Variants in TLK2 observed in about 807,000 individuals in gnomAD.
TLK2 encodes tousled like kinase 2.
A neutral mutation model predicts 117.3 loss-of-function variants in TLK2; 6 were observed. The observed-to-expected ratio is 0.05, with a 90% CI of 0.03 to 0.10. The LOEUF is 0.10. TLK2 is among the 10% of genes least tolerant of loss of function. The pLI is 1.00. For missense variants in TLK2, 299 were observed against 901.2 expected, an observed-to-expected ratio of 0.33 and a Z score of 8.56; for synonymous variants, 257 against 316.7, an observed-to-expected ratio of 0.81 and a Z score of 2.00.
intron 2 of TLK2, among the ~76,000 whole-genome samples, chr17:62,501,480 C>G (rs1447860549): frequency 6.6e-6 from 1 of 152,068 alleles, no homozygotes; most frequent in Non-Finnish European, 1.5e-5. Context: ...CTCCTGTAAT[C>G]CCAGCACTGT....
chr17:62,587,707 C>G (rs551358806), intron 16 of TLK2, among the ~76,000 whole-genome samples: 1 of 152,122 alleles, frequency 6.6e-6, no homozygotes, highest in African/African-American at 2.4e-5. Flanking sequence ...CAGCTGCAGT[C>G]CAGATGCTCC....
chr17:62,607,390 G>C (rs1469739344), intron 20 of TLK2, among the ~76,000 whole-genome samples: 1 of 151,648 alleles, frequency 6.6e-6, no homozygotes, highest in Non-Finnish European at 1.5e-5. Flanking sequence ...TTAGCCGGGC[G>C]TGGTGGCGGG....
chr17:62,482,022 T>G (rs2071716203), intron 2 of TLK2, among the ~76,000 whole-genome samples: 1 of 152,112 alleles, frequency 6.6e-6, no homozygotes, highest in African/African-American at 2.4e-5. Context: ...CTCGGCTCAC[T>G]GCAGCCTCCA....
intron 2 of TLK2, among the ~76,000 whole-genome samples, chr17:62,486,756 A>G (rs957283131): frequency 6.6e-6 from 1 of 152,232 alleles, no homozygotes; most frequent in African/African-American, 2.4e-5. Context: ...TTCCAACAGT[A>G]CAACAAAAGC....
chr17:62,582,302 A>G (rs1323778438), intron 15 of TLK2, among the ~76,000 whole-genome samples: 1 of 152,100 alleles, frequency 6.6e-6, no homozygotes, highest in Non-Finnish European at 1.5e-5. Context: ...GCTGGTCTCA[A>G]ACTCCTAGCC....
chr17:62,502,041 T>TTTTTTTTTTA (rs2074248575), intron 2 of TLK2, among the ~76,000 whole-genome samples: 1 of 150,174 alleles, frequency 6.7e-6, no homozygotes, highest in Non-Finnish European at 1.5e-5. Flanking sequence ...TTTTTTTTTT[T>TTTTTTTTTTA]TTTTTACAAA....
intron 2 of TLK2, among the ~76,000 whole-genome samples, chr17:62,491,177 A>G (rs1191266951): frequency 1.3e-5 from 2 of 152,154 alleles, no homozygotes; most frequent in Non-Finnish European, 2.9e-5. Flanking sequence ...TATAAAGTTT[A>G]CCTCCTTGTG....
chr17:62,524,461 T>C, intron 6 of TLK2, 130 bp downstream of exon 6: 1 of 1,295,020 alleles, frequency 7.7e-7, no homozygotes, highest in African/African-American at 1.5e-5. Context: ...TTCATAGTTT[T>C]ACCTATGAAT....
chr17:62,524,725 A>G (rs1487347860), intron 6 of TLK2, among the ~76,000 whole-genome samples: 5 of 152,228 alleles, frequency 3.3e-5, no homozygotes, highest in Non-Finnish European at 7.3e-5. Flanking sequence ...ATGTACTAGA[A>G]AAACTAATGC....
intron 7 of TLK2, among the ~76,000 whole-genome samples, chr17:62,539,221 T>G (rs2077329456): frequency 6.6e-6 from 1 of 152,206 alleles, no homozygotes; most frequent in Non-Finnish European, 1.5e-5. Context: ...TGAGGTATTG[T>G]TTATTGTTGC....
At chr17:62,570,920 G>A (rs113512985) in intron 11 of TLK2, among the ~76,000 whole-genome samples, 3,464 of 152,142 alleles carry the variant, frequency 0.023, 57 homozygotes, top group Non-Finnish European at 0.036. Context: ...AAATGTTGTG[G>A]CACTCCACTA....
intron 2 of TLK2, among the ~76,000 whole-genome samples, chr17:62,483,170 ATCTG>A (rs1567763125): frequency 1.3e-5 from 2 of 152,268 alleles, no homozygotes; most frequent in African/African-American, 4.8e-5. Context: ...TAATGTCCAG[ATCTG>A]TCTGTTTAAA....
At chr17:62,607,969 C>G (rs1420343574) in intron 20 of TLK2, 72 bp from the exon 21 acceptor site, 1 of 1,271,762 alleles carries the variant, frequency 7.9e-7, no homozygotes, top group South Asian at 1.3e-5. Flanking sequence ...TTTTCCTTCC[C>G]TGGGGTATTG....
Position 62,533,369 on chromosome 17 carries a change from T to G in TLK2, c.364-2801T>G, listed in dbSNP as rs563709739. 2.2e-4 allele frequency among the ~76,000 whole-genome samples: 32 copies of G among 146,880 alleles called. No homozygotes were observed. In the South Asian group the frequency reaches 3.0e-3, roughly 14 times the overall value. On this transcript the variant is annotated intron_variant, in intron 6 of 21. Coordinates refer to ENST00000346027, the MANE Select transcript of TLK2 (RefSeq NM_006852.6). ...CCATATGGTGTATTCCTATACGGGG[T>G]GTGTGTGTGTGTGTGTGTGTGTCTG...
At chr17:62,493,955 A>G (rs1598187695) in intron 2 of TLK2, among the ~76,000 whole-genome samples, 1 of 152,130 alleles carries the variant, frequency 6.6e-6, no homozygotes, top group Non-Finnish European at 1.5e-5. Flanking sequence ...ACGGGGTTTC[A>G]CCATGGTGAG....
chr17:62,521,440 T>C (rs940731024), intron 3 of TLK2, among the ~76,000 whole-genome samples: 5 of 152,258 alleles, frequency 3.3e-5, no homozygotes, highest in Non-Finnish European at 5.9e-5. Context: ...GGCCTCGCTC[T>C]GTCATGCAGG....
intron 17 of TLK2, among the ~76,000 whole-genome samples, chr17:62,599,805 C>T (rs1435520578): frequency 2.0e-5 from 3 of 152,138 alleles, no homozygotes; most frequent in Non-Finnish European, 4.4e-5. Flanking sequence ...CACATTGTCA[C>T]AACTTAGAAA....
Position 62,576,798 on chromosome 17 carries a change from C to T in TLK2, c.1188+23C>T, listed in dbSNP as rs1228039732. 3 of 1,581,282 alleles carry T rather than the reference C, an allele frequency of 1.9e-6. No individual in the cohort carries two copies. The African/African-American group carries it at 4.1e-5, about 21-fold the overall frequency. On this transcript the variant is annotated intron_variant, in intron 13 of 21. Transcript: ENST00000346027. ...AAGGTAAGTATAATGAGAAAATCTC[C>T]CTGGAGAAATGTGATACCTAGTTTA...
intron 2 of TLK2, among the ~76,000 whole-genome samples, chr17:62,487,341 T>G (rs1455010917): frequency 6.6e-6 from 1 of 150,620 alleles, no homozygotes; most frequent in African/African-American, 2.4e-5. Context: ...AAGAATTGTT[T>G]CCAAGAGAAC....
Sources: allele counts gnomAD v4.1 joint callset (sites outside exome capture counted in the v4.1 genomes callset), GRCh38; gene constraint gnomAD v4.1.1; transcripts MANE v1.5; gene names NCBI Gene and HGNC (gene_info 2026-07-23, HGNC 2026-07-21).